Variants in AKR1E2 observed in about 807,000 individuals in gnomAD.
AKR1E2 encodes 1,5-anhydro-D-fructose reductase.
A neutral mutation model predicts 41.9 loss-of-function variants in AKR1E2; 43 were observed. The ratio of observed to expected loss-of-function variants is 1.03; its 90% CI spans 0.80 to 1.32. The LOEUF (loss-of-function observed/expected upper bound fraction) is 1.32. AKR1E2 is among the 40% of genes most tolerant of loss of function. AKR1E2 has a pLI of 0.00. For synonymous variants in AKR1E2, 121 were observed against 138.9 expected (o/e 0.87, Z 0.91); for missense variants, 423 against 396.5 (o/e 1.07, Z -0.57).
At chr10:4,828,387 C>G (rs186827116) in intron 1 of AKR1E2, among the ~76,000 whole-genome samples, 3 of 152,360 alleles carry the variant, frequency 2.0e-5, no homozygotes, top group East Asian at 3.9e-4. Context: ...CTTGATCCAT[C>G]TGTGTGCCTG....
intron 3 of AKR1E2, 154 bp downstream of exon 3, chr10:4,833,620 C>T (rs1274049306): frequency 4.4e-6 from 3 of 687,864 alleles, no homozygotes; most frequent in South Asian, 1.8e-5. Flanking sequence ...TTGGGCAGTC[C>T]TCTTGATATC....
chr10:4,860,525 AC>A, the AKR1E2 span, among the ~76,000 whole-genome samples: 2,481 of 152,248 alleles, frequency 0.016, 70 homozygotes, highest in African/African-American at 0.057. Flanking sequence ...GTGGCTGCCA[AC>A]TTTTTTGATT....
chr10:4,845,084 C>T (rs895524131), intron 8 of AKR1E2, among the ~76,000 whole-genome samples: 2 of 152,194 alleles, frequency 1.3e-5, no homozygotes, highest in South Asian at 2.1e-4. Flanking sequence ...TAAGGCCTGG[C>T]GAGAAATGGA....
chr10:4,862,070 C>A, the AKR1E2 span, among the ~76,000 whole-genome samples: 2 of 152,164 alleles, frequency 1.3e-5, no homozygotes, highest in Non-Finnish European at 2.9e-5. Flanking sequence ...TTAGGTCTAA[C>A]ATTTAAGTCT....
intron 6 of AKR1E2, among the ~76,000 whole-genome samples, 170 bp downstream of exon 6, chr10:4,839,996 G>A (rs1242744860): frequency 6.6e-6 from 1 of 152,072 alleles, no homozygotes; most frequent in Non-Finnish European, 1.5e-5. Flanking sequence ...TTGAAGGCAT[G>A]GTTTATTATT....
chr10:4,868,509 A>G, the AKR1E2 span, among the ~76,000 whole-genome samples: 1 of 152,188 alleles, frequency 6.6e-6, no homozygotes, highest in East Asian at 1.9e-4. Context: ...TCACCTGCAA[A>G]TGGAAACAGT....
At chr10:4,830,071 A>T (rs112187140) in intron 1 of AKR1E2, among the ~76,000 whole-genome samples, 2 of 152,170 alleles carry the variant, frequency 1.3e-5, no homozygotes, top group Non-Finnish European at 2.9e-5. Flanking sequence ...TCCAGTGAGA[A>T]AGTGGTTTGT....
chr10:4,839,817 G>A lies in AKR1E2; in HGVS notation c.671G>A (p.Gly224Asp), dbSNP rs748910507. The stretch of plus-strand genomic sequence containing the variant: ...TCCGTGACTGCTTACCGTCCTCTTG[G>A]TGGCTCGTGGTAAGGATACCTCAGT... ...DVSVTAYRPLGGSCEGVDLID... is the reference protein window; with the variant it reads ...DVSVTAYRPLDGSCEGVDLID... The change falls in exon 6 of 10, where the codon GGT becomes GAT. Residue 224 changes from glycine (G) to aspartate (D), a missense_variant. Transcript: ENST00000298375. The A allele has an allele frequency of 1.7e-5, 27 of 1,613,876 alleles. No homozygotes were observed. The Admixed American group carries it at 3.8e-4, about 23-fold the overall frequency.
At chr10:4,846,142 A>C (rs2397982) in intron 8 of AKR1E2, 10,502 of 281,092 alleles carry the variant, frequency 0.037, 307 homozygotes, top group East Asian at 0.12. Context: ...ACTCCCCACT[A>C]CCTCCAGATG....
intron 1 of AKR1E2, 81 bp downstream of exon 1, chr10:4,826,444 G>A: frequency 8.4e-7 from 1 of 1,190,838 alleles, no homozygotes; most frequent in Non-Finnish European, 1.1e-6. Context: ...CCCAGGCCGG[G>A]GCTGGGGAGA....
chr10:4,851,963 G>A (rs947182824), downstream of AKR1E2, among the ~76,000 whole-genome samples: 1 of 152,144 alleles, frequency 6.6e-6, no homozygotes, highest in African/African-American at 2.4e-5. Context: ...CTGGCATGTG[G>A]CCCAGTGACA....
the AKR1E2 span, among the ~76,000 whole-genome samples, chr10:4,857,175 C>T: frequency 5.3e-5 from 8 of 152,234 alleles, no homozygotes; most frequent in Middle Eastern, 3.4e-3. Flanking sequence ...GTTCACATTG[C>T]GTGGCTGTAC....
chr10:4,834,233 A>T (rs1211599433), intron 3 of AKR1E2, among the ~76,000 whole-genome samples: 1 of 152,244 alleles, frequency 6.6e-6, no homozygotes, highest in Admixed American at 6.5e-5. Flanking sequence ...AGTCTTCTAC[A>T]TACCAACCTG....
At chr10:4,842,267 A>T (rs1833950783) in intron 7 of AKR1E2, among the ~76,000 whole-genome samples, 154 bp from the exon 8 acceptor site, 1 of 152,180 alleles carries the variant, frequency 6.6e-6, no homozygotes, top group African/African-American at 2.4e-5. Context: ...CATTACCAAC[A>T]TATTGACAGA....
intron 8 of AKR1E2, among the ~76,000 whole-genome samples, chr10:4,844,987 C>T (rs1176624405): frequency 6.6e-6 from 1 of 152,174 alleles, no homozygotes; most frequent in Admixed American, 6.5e-5. Context: ...TGGGGAGGCT[C>T]CTGCTGCAGA....
the AKR1E2 span, among the ~76,000 whole-genome samples, chr10:4,872,787 G>A: frequency 6.6e-6 from 1 of 152,198 alleles, no homozygotes; most frequent in South Asian, 2.1e-4. Flanking sequence ...AAAATATATG[G>A]TGTGTAAGTT....
the AKR1E2 span, among the ~76,000 whole-genome samples, chr10:4,861,803 G>T: frequency 6.6e-6 from 1 of 151,886 alleles, no homozygotes. Flanking sequence ...TAAATTTGTT[G>T]GAGTTCTTTG....
intron 1 of AKR1E2, among the ~76,000 whole-genome samples, chr10:4,829,867 TTC>T (rs1346169721): frequency 1.3e-5 from 2 of 152,238 alleles, no homozygotes; most frequent in African/African-American, 2.4e-5. Flanking sequence ...TTTGTTGATC[TTC>T]TCTGTTACAT....
At chr10:4,867,210 C>G in the AKR1E2 span, among the ~76,000 whole-genome samples, 1 of 152,030 alleles carries the variant, frequency 6.6e-6, no homozygotes, top group African/African-American at 2.4e-5. Context: ...AGTTAGATCT[C>G]TTTCACTGTC....
Sources: allele counts gnomAD v4.1 joint callset (sites outside exome capture counted in the v4.1 genomes callset), GRCh38; gene constraint gnomAD v4.1.1; transcripts MANE v1.5; gene names NCBI Gene and HGNC (gene_info 2026-07-23, HGNC 2026-07-21).